The following CFAP46 variants were observed in gnomAD, a reference collection of about 807,000 sequenced individuals.
CFAP46 encodes cilia and flagella associated protein 46, also known as cilia- and flagella-associated protein 46.
A neutral mutation model predicts 325.7 loss-of-function variants in CFAP46; 245 were observed. That is an observed-to-expected ratio of 0.75 (90% confidence interval 0.68 to 0.84). The LOEUF is 0.84. Among genes scored for constraint, CFAP46 ranks in the 40% least tolerant of loss-of-function variants. The probability of loss-of-function intolerance (pLI) is 0.00; values close to 1 mark genes in which losing one functional copy is unlikely to be tolerated. For missense variants in CFAP46, 3,346 were observed against 3,543.0 expected (o/e 0.94, Z 1.41); for synonymous variants, 1,523 against 1,495.9 (o/e 1.02, Z -0.42).
intron 24 of CFAP46, chr10:132,898,550 A>C: frequency 6.3e-6 from 2 of 316,658 alleles, no homozygotes; most frequent in South Asian, 2.7e-5. Flanking sequence ...CGCCAGAGGC[A>C]CCTGTGGCCC....
intron 15 of CFAP46, among the ~76,000 whole-genome samples, chr10:132,918,807 C>T (rs943125575): frequency 3.3e-5 from 5 of 152,196 alleles, no homozygotes; most frequent in African/African-American, 1.2e-4. Flanking sequence ...ACTCCTCCTG[C>T]ATCCCCTGCC....
chr10:132,899,034 G>C lies in CFAP46; in HGVS notation c.3144C>G (p.Ala1048=). The C allele has an allele frequency of 6.4e-7, 1 of 1,550,578 alleles. No individual in the cohort carries two copies. The highest frequency in any genetic ancestry group is 8.7e-7 in the Non-Finnish European group (1 of 1,146,992). Residue 1048 remains alanine, a synonymous_variant, in exon 24 of 58, where the codon GCC becomes GCG. Coordinates refer to ENST00000368586, the MANE Select transcript of CFAP46 (RefSeq NM_001200049.3). Reference sequence around the variant, plus strand: ...CACCCTTGGCCTTCTTCCTGTAGACGGCTGAGGACAGCAGTGGGAGCCAGG... The same window carrying C: ...CACCCTTGGCCTTCTTCCTGTAGACCGCTGAGGACAGCAGTGGGAGCCAGG... The part of the protein sequence containing the change: ...WNAWLPLLSS[A]VYRKKAKGAL...
Position 132,879,588 on chromosome 10 carries a change from G to A in CFAP46, c.3843C>T (p.Ser1281=), listed in dbSNP as rs139343897. The part of the protein sequence containing the change: ...AVEMPPRSPV[S]EAEEAVSLEQ... Reference sequence around the variant, plus strand: ...CCAAGGACACCGCCTCCTCGGCCTCGGACACGGGGCTCCGTGGGGGCATCT... The same window carrying A: ...CCAAGGACACCGCCTCCTCGGCCTCAGACACGGGGCTCCGTGGGGGCATCT... The change falls in exon 29 of 58, where the codon TCC becomes TCT. Residue 1281 remains serine, a synonymous_variant. Coordinates refer to ENST00000368586, the MANE Select transcript of CFAP46 (RefSeq NM_001200049.3). The A allele has an allele frequency of 0.012, 18,956 of 1,545,752 alleles. 242 individuals carry two copies. Among genetic ancestry groups the A allele is most frequent in the Middle Eastern group, 0.058 (278 of 4,806 alleles).
chr10:132,941,405 G>C (rs1254938908), intron 3 of CFAP46, among the ~76,000 whole-genome samples, 186 bp downstream of exon 3: 2 of 152,250 alleles, frequency 1.3e-5, no homozygotes, highest in Non-Finnish European at 2.9e-5. Flanking sequence ...GGTCCTGTGT[G>C]TCAGATATCA....
intron 19 of CFAP46, among the ~76,000 whole-genome samples, chr10:132,910,527 C>T (rs955255339): frequency 1.5e-4 from 23 of 152,252 alleles, no homozygotes; most frequent in Non-Finnish European, 2.1e-4. Context: ...TCTTGCTGGC[C>T]GTGTGACCAG....
At chr10:132,917,854 G>A (rs2135582617) in intron 16 of CFAP46, among the ~76,000 whole-genome samples, 1 of 152,172 alleles carries the variant, frequency 6.6e-6, no homozygotes, top group East Asian at 1.9e-4. Context: ...CTGACGCTGT[G>A]GTGCAGGGAC....
At chr10:132,938,508 C>T (rs896842930) in intron 5 of CFAP46, 81 bp downstream of exon 5, 1 of 1,375,444 alleles carries the variant, frequency 7.3e-7, no homozygotes, top group Non-Finnish European at 1.0e-6. Flanking sequence ...TCCCGTCCCC[C>T]CCCCGGAGAA....
At chr10:132,870,286 C>T (rs1848878975) in intron 32 of CFAP46, among the ~76,000 whole-genome samples, 1 of 152,094 alleles carries the variant, frequency 6.6e-6, no homozygotes, top group African/African-American at 2.4e-5. Flanking sequence ...CCCCAAGACA[C>T]AGAAATTTTG....
intron 39 of CFAP46, among the ~76,000 whole-genome samples, 162 bp downstream of exon 39, chr10:132,857,426 TAC>T (rs1253176365): frequency 6.6e-6 from 1 of 152,272 alleles, no homozygotes; most frequent in Non-Finnish European, 1.5e-5. Context: ...CTTTGTTTCA[TAC>T]ACTGTTTGTT....
chr10:132,848,275 G>T (rs1475123356), intron 41 of CFAP46, among the ~76,000 whole-genome samples: 1 of 152,170 alleles, frequency 6.6e-6, no homozygotes, highest in Admixed American at 6.5e-5. Context: ...TTTATAAAAC[G>T]GACTTAGAGA....
At chr10:132,826,343 G>A (rs1427722785) in intron 50 of CFAP46, among the ~76,000 whole-genome samples, 2 of 134,764 alleles carry the variant, frequency 1.5e-5, no homozygotes, top group Admixed American at 1.5e-4. Context: ...GGCAGGAACT[G>A]GAGCCACAGA....
Position 132,938,711 on chromosome 10 carries a change from C to G in CFAP46, c.414G>C (p.Gln138His), listed in dbSNP as rs1178133326. Residue 138 changes from glutamine (Q) to histidine (H), a missense_variant, in exon 5 of 58, where the codon CAG becomes CAC. Gln to His is a conservative substitution (Grantham distance 24). Transcript: ENST00000368586. ...LVYNASVLYW[Q>H]MVRPFLKPGY... ...CAGGCTTGAGGAACGGCCTCACCAT[C>G]TGCCAGTAGAGGACTGATGCATTGT... is the stretch of plus-strand genomic sequence containing the variant. 6.2e-7 allele frequency: 1 copy of G among 1,613,622 alleles called. No individual in the cohort carries two copies. Among genetic ancestry groups the G allele is most frequent in the Non-Finnish European group, 8.5e-7 (1 of 1,179,986 alleles).
rs575310002 is a variant in CFAP46, at chr10:132,927,459, C to T, written c.967-793G>A. On this transcript the variant is annotated intron_variant, in intron 9 of 57. Coordinates refer to ENST00000368586, the MANE Select transcript of CFAP46 (RefSeq NM_001200049.3). ...GACGTCCACAAGCACGGGAAGTACC[C>T]GCAGCACCTCGGGATGGCTGCACCG... is the stretch of plus-strand genomic sequence containing the variant. Among the ~76,000 whole-genome samples, 23 of 152,256 alleles carry T rather than the reference C, an allele frequency of 1.5e-4. No individual in the cohort carries two copies. The East Asian group carries it at 3.9e-3, about 26-fold the overall frequency.
In CFAP46 at chr10:132,846,994, T is replaced by A. The variant is rs1214836775; in HGVS notation, c.6205A>T (p.Met2069Leu). Residue 2069 changes from methionine to leucine, a missense_variant, in exon 43 of 58, where the codon ATG (methionine) becomes TTG (leucine). Met to Leu is a conservative substitution (Grantham distance 15). Coordinates refer to ENST00000368586, the MANE Select transcript of CFAP46 (RefSeq NM_001200049.3). The stretch of plus-strand genomic sequence containing the variant: ...TCCAGGGTGCCGACACACTCCACCA[T>A]CTCCAGGCTGGCGGCTGCTGCGACA... ...LDVAAAASLEMVECVGTLDPA... is the reference protein window; with the variant it reads ...LDVAAAASLELVECVGTLDPA... 1.2e-6 allele frequency: 2 copies of A among 1,610,998 alleles called. No individual in the cohort carries two copies. Among genetic ancestry groups the A allele is most frequent in the South Asian group, 2.2e-5 (2 of 90,906 alleles).
chr10:132,934,775 G>GCGCT lies in CFAP46; in HGVS notation c.839_842dup (p.Phe282AlafsTer7). 6.2e-7 allele frequency: 1 copy of GCGCT among 1,607,664 alleles called. No individual in the cohort carries two copies. The highest frequency in any genetic ancestry group is 8.5e-7 in the Non-Finnish European group (1 of 1,174,438). ...ACTTTTCTTCACTGATAGAGGGAAA[G>GCGCT]CGCTGGTGGTTGTAATGACCTAAGT... is the stretch of plus-strand genomic sequence containing the variant. On this transcript the variant is annotated frameshift_variant, in exon 8 of 58. Coordinates refer to ENST00000368586, the MANE Select transcript of CFAP46 (RefSeq NM_001200049.3). LOFTEE classifies it high-confidence loss of function.
At position 132,809,400 on chromosome 10, in the gene CFAP46, G is replaced by A. The variant is rs1038822663; in HGVS notation, c.7665-496C>T. On this transcript the variant is annotated intron_variant, in intron 57 of 57. Coordinates refer to ENST00000368586, the MANE Select transcript of CFAP46 (RefSeq NM_001200049.3). ...GTGGGCCCCACACTGGCCACATCAC[G>A]GCGGCATCCGTGTCTGTGCCCTGCT... Among the ~76,000 whole-genome samples, 9 of 152,210 alleles carry A rather than the reference G, an allele frequency of 5.9e-5. No homozygotes were observed. In the South Asian group the frequency reaches 6.2e-4, roughly 11 times the overall value.
At chr10:132,821,184 GTGTGTGCTGTGTGAGTGCTGATGTGTGC>G in intron 50 of CFAP46, among the ~76,000 whole-genome samples, 1 of 128,550 alleles carries the variant, frequency 7.8e-6, no homozygotes. Flanking sequence ...GATGTGTGCT[GTGTGTGCTGTGTGAGTGCTGATGTGTGC>G]TGTGTGCTGT....
intron 19 of CFAP46, among the ~76,000 whole-genome samples, chr10:132,911,547 AGACTCCCTTGACTCATTAG>A (rs1457357830): frequency 1.3e-5 from 2 of 152,150 alleles, no homozygotes; most frequent in Non-Finnish European, 2.9e-5. Context: ...GGTTCCCCAC[AGACTCCCTTGACTCATTAG>A]GAAACCGGCT....
rs916803904 is a variant in CFAP46 at position 132,840,055 on chromosome 10, T to C, written c.6439-3141A>G. On this transcript the variant is annotated intron_variant, in intron 44 of 57. Coordinates refer to ENST00000368586, the MANE Select transcript of CFAP46 (RefSeq NM_001200049.3). The stretch of plus-strand genomic sequence containing the variant: ...TGAGTTTTCAGAGGTTATTTATTCT[T>C]CCAGTTTTTGGAAGAATTTACTGGT... 1.2e-4 allele frequency among the ~76,000 whole-genome samples: 18 copies of C among 152,358 alleles called. No individual in the cohort carries two copies. In the East Asian group the frequency reaches 3.3e-3, roughly 28 times the overall value.
Sources: allele counts gnomAD v4.1 joint callset (sites outside exome capture counted in the v4.1 genomes callset), GRCh38; gene constraint gnomAD v4.1.1; transcripts MANE v1.5; gene names NCBI Gene and HGNC (gene_info 2026-07-23, HGNC 2026-07-21).